SPAG6: variants seen among roughly 807,000 people sequenced by gnomAD.
SPAG6 encodes sperm associated antigen 6.
A neutral mutation model predicts 58.5 loss-of-function variants in SPAG6; 49 were observed. That is an observed-to-expected ratio of 0.84 (90% CI 0.67 to 1.06). The LOEUF (loss-of-function observed/expected upper bound fraction) is 1.06, where lower values mean the gene tolerates loss of function less well. Ranked by LOEUF, SPAG6 falls within the 50% of genes least tolerant of loss-of-function variation. The probability of loss-of-function intolerance (pLI) is 0.00; values close to 1 mark genes in which losing one functional copy is unlikely to be tolerated. For synonymous variants in SPAG6, 233 were observed against 225.6 expected (o/e 1.03, Z -0.29); for missense variants, 560 against 611.3 (o/e 0.92, Z 0.89).
At chr10:22,352,229 GAATGA>G (rs1836749315) in intron 2 of SPAG6, among the ~76,000 whole-genome samples, 1 of 151,170 alleles carries the variant, frequency 6.6e-6, no homozygotes, top group Non-Finnish European at 1.5e-5. Context: ...GTGTGTGTCT[GAATGA>G]AATGATCTCT....
chr10:22,378,344 G>C (rs556756289), intron 4 of SPAG6, among the ~76,000 whole-genome samples: 1 of 151,352 alleles, frequency 6.6e-6, no homozygotes, highest in Non-Finnish European at 1.5e-5. Context: ...GATTACAGGC[G>C]TGAGCCAGTG....
At chr10:22,373,766 A>G (rs570759849) in intron 4 of SPAG6, among the ~76,000 whole-genome samples, 4 of 152,214 alleles carry the variant, frequency 2.6e-5, no homozygotes, top group Non-Finnish European at 5.9e-5. Flanking sequence ...TGAGGAACAC[A>G]AACATAGAGG....
intron 9 of SPAG6, among the ~76,000 whole-genome samples, chr10:22,403,175 G>A (rs902434215): frequency 6.6e-6 from 1 of 151,654 alleles, no homozygotes; most frequent in Non-Finnish European, 1.5e-5. Flanking sequence ...GGGTACATGT[G>A]CACAATGTGC....
intron 9 of SPAG6, among the ~76,000 whole-genome samples, chr10:22,402,265 C>T (rs1431149041): frequency 6.6e-6 from 1 of 151,820 alleles, no homozygotes; most frequent in African/African-American, 2.4e-5. Context: ...GCAAGCGGGT[C>T]AGGCTAATTT....
chr10:22,397,040 C>T (rs1834309643), intron 8 of SPAG6, among the ~76,000 whole-genome samples: 1 of 152,044 alleles, frequency 6.6e-6, no homozygotes, highest in Non-Finnish European at 1.5e-5. Flanking sequence ...TTTTTGACCC[C>T]ATAAAATTTC....
At chr10:22,349,531 A>C (rs888513850) in intron 2 of SPAG6, among the ~76,000 whole-genome samples, 8 of 152,208 alleles carry the variant, frequency 5.3e-5, no homozygotes, top group African/African-American at 1.7e-4. Context: ...ACACCAGGCC[A>C]CTTTTAGTTC....
intron 9 of SPAG6, among the ~76,000 whole-genome samples, chr10:22,408,855 C>T (rs940734175): frequency 5.9e-5 from 9 of 151,374 alleles, no homozygotes; most frequent in African/African-American, 2.2e-4. Flanking sequence ...GTTTTTTAAG[C>T]CGATTGGAAA....
At chr10:22,372,108 C>A (rs764629699) in intron 4 of SPAG6, among the ~76,000 whole-genome samples, 1 of 152,218 alleles carries the variant, frequency 6.6e-6, no homozygotes, top group East Asian at 1.9e-4. Context: ...CTTTTTGTAA[C>A]CCTTTCCCAC....
At chr10:22,346,564 A>G (rs531995598) in intron 2 of SPAG6, among the ~76,000 whole-genome samples, 2 of 123,798 alleles carry the variant, frequency 1.6e-5, no homozygotes, top group Non-Finnish European at 3.4e-5. Flanking sequence ...TTTTTTTTGG[A>G]TGATTCTACC....
chr10:22,353,116 TA>T (rs1013911380), intron 2 of SPAG6, among the ~76,000 whole-genome samples: 1 of 152,210 alleles, frequency 6.6e-6, no homozygotes, highest in Non-Finnish European at 1.5e-5. Flanking sequence ...GAAGTGTGAA[TA>T]AAATAAAACA....
chr10:22,383,294 G>T (rs186792590), intron 4 of SPAG6, among the ~76,000 whole-genome samples: 27 of 152,188 alleles, frequency 1.8e-4, no homozygotes, highest in Middle Eastern at 3.4e-3. Context: ...TGATCTTTAG[G>T]TGTGCAGAGT....
chr10:22,356,129 A>G (rs1478263286), intron 2 of SPAG6, among the ~76,000 whole-genome samples: 1 of 152,252 alleles, frequency 6.6e-6, no homozygotes, highest in African/African-American at 2.4e-5. Context: ...TTGAGAACAA[A>G]TTACAAATTA....
intron 2 of SPAG6, among the ~76,000 whole-genome samples, chr10:22,350,874 G>C (rs1383713633): frequency 1.3e-5 from 2 of 152,174 alleles, no homozygotes; most frequent in Non-Finnish European, 2.9e-5. Context: ...AACTGAATGA[G>C]GAAGAAAAGT....
intron 2 of SPAG6, among the ~76,000 whole-genome samples, chr10:22,357,853 C>T (rs967517797): frequency 7.3e-5 from 11 of 150,584 alleles, no homozygotes; most frequent in South Asian, 2.1e-4. Context: ...TTTGTTCTTG[C>T]GATAGTTTAC....
intron 4 of SPAG6, among the ~76,000 whole-genome samples, chr10:22,380,822 A>G (rs1480486766): frequency 2.6e-5 from 4 of 151,602 alleles, no homozygotes; most frequent in South Asian, 2.1e-4. Context: ...GCAGTGTTTG[A>G]AAAAAAATTA....
intron 9 of SPAG6, among the ~76,000 whole-genome samples, chr10:22,403,582 C>A (rs1370764549): frequency 2.0e-5 from 3 of 149,516 alleles, no homozygotes; most frequent in African/African-American, 7.7e-5. Flanking sequence ...GTGAATAGTG[C>A]CACAATAAAC....
At chr10:22,372,541 C>T (rs541567402) in intron 4 of SPAG6, among the ~76,000 whole-genome samples, 1 of 152,236 alleles carries the variant, frequency 6.6e-6, no homozygotes, top group South Asian at 2.1e-4. Context: ...TCCCCTGGTC[C>T]CCAGCAGCCT....
At chr10:22,379,041 G>A (rs1833890604) in intron 4 of SPAG6, among the ~76,000 whole-genome samples, 1 of 152,190 alleles carries the variant, frequency 6.6e-6, no homozygotes, top group Non-Finnish European at 1.5e-5. Flanking sequence ...TGGCTCTGAC[G>A]ATTGGGTGGA....
At chr10:22,403,538 T>C (rs1288846082) in intron 9 of SPAG6, among the ~76,000 whole-genome samples, 1 of 152,094 alleles carries the variant, frequency 6.6e-6, no homozygotes, top group Non-Finnish European at 1.5e-5. Flanking sequence ...GTATCACTGT[T>C]GGACATTTGG....
Sources: allele counts gnomAD v4.1 joint callset (sites outside exome capture counted in the v4.1 genomes callset), GRCh38; gene constraint gnomAD v4.1.1; transcripts MANE v1.5; gene names NCBI Gene and HGNC (gene_info 2026-07-23, HGNC 2026-07-21).